Variants in ITPR2 observed in about 807,000 individuals in gnomAD.
ITPR2 encodes the protein inositol 1,4,5-trisphosphate receptor type 2.
ITPR2 carries 207 observed loss-of-function variants against 317.1 expected under a neutral mutation model. That is an observed-to-expected ratio of 0.65 (90% CI 0.58 to 0.73). The LOEUF (loss-of-function observed/expected upper bound fraction) is 0.73. Ranked by LOEUF, ITPR2 falls within the 30% of genes least tolerant of loss-of-function variation. The pLI, the probability that ITPR2 is intolerant of heterozygous loss-of-function variation, is 0.00. For synonymous variants in ITPR2, 1,156 were observed against 1,149.1 expected (o/e 1.01, Z -0.12); for missense variants, 2,613 against 3,284.0 (o/e 0.80, Z 4.99).
At chr12:26,669,647 C>T (rs1403618653) in intron 13 of ITPR2, among the ~76,000 whole-genome samples, 1 of 152,224 alleles carries the variant, frequency 6.6e-6, no homozygotes, top group East Asian at 1.9e-4. Context: ...TTCTGCATTT[C>T]CATCTGAGGT....
intron 45 of ITPR2, among the ~76,000 whole-genome samples, chr12:26,463,880 T>G (rs1427647049): frequency 2.6e-5 from 4 of 152,150 alleles, no homozygotes; most frequent in Admixed American, 2.0e-4. Flanking sequence ...CTCTTCTTGA[T>G]GTAAGGTCCC....
intron 1 of ITPR2, among the ~76,000 whole-genome samples, chr12:26,814,987 A>G (rs565238723): frequency 1.4e-4 from 21 of 152,366 alleles, no homozygotes; most frequent in African/African-American, 3.8e-4. Context: ...TCCAAACTAG[A>G]TAAGTGTTTT....
intron 31 of ITPR2, among the ~76,000 whole-genome samples, chr12:26,596,079 G>A (rs1348259174): frequency 6.6e-6 from 1 of 152,226 alleles, no homozygotes; most frequent in East Asian, 1.9e-4. Flanking sequence ...GAGGGTAAAT[G>A]ATGTGGGAAT....
intron 14 of ITPR2, among the ~76,000 whole-genome samples, chr12:26,664,705 C>T (rs1452323719): frequency 6.9e-6 from 1 of 145,306 alleles, no homozygotes; most frequent in Non-Finnish European, 1.6e-5. Flanking sequence ...TTATATTTAT[C>T]AAACAAAAAT....
rs777160676 is a variant in ITPR2 at position 26,624,573 on chromosome 12, A to C, written c.3065-217T>G. Among the ~76,000 whole-genome samples the C allele has an allele frequency of 3.4e-4, 51 of 152,196 alleles. 1 individual carries two copies. The highest frequency in any genetic ancestry group is 2.6e-3 in the Admixed American group (39 of 15,286). ...ACAAATGGCAAACAGGTTTATGAAA[A>C]GGTGCTCAACATCACTGATCATCAG... On this transcript the variant is annotated intron_variant, in intron 23 of 56. Coordinates refer to ENST00000381340, the MANE Select transcript of ITPR2 (RefSeq NM_002223.4).
chr12:26,802,423 G>A (rs1358684006), intron 1 of ITPR2, among the ~76,000 whole-genome samples: 1 of 152,016 alleles, frequency 6.6e-6, no homozygotes, highest in Non-Finnish European at 1.5e-5. Flanking sequence ...CGAGGCAGGA[G>A]GAGCATTTGA....
At chr12:26,700,529 G>C (rs1204088541) in intron 9 of ITPR2, among the ~76,000 whole-genome samples, 9 of 152,228 alleles carry the variant, frequency 5.9e-5, no homozygotes, top group Admixed American at 5.9e-4. Context: ...CACACCGCTG[G>C]GGAGTGGCAG....
intron 26 of ITPR2, among the ~76,000 whole-genome samples, chr12:26,617,724 AAGGGAGGGAG>A (rs1946402609): frequency 7.1e-5 from 8 of 112,066 alleles, no homozygotes; most frequent in East Asian, 5.7e-4. Flanking sequence ...GGGAAGGAGG[AAGGGAGGGAG>A]GGAGGGAAGG....
intron 21 of ITPR2, among the ~76,000 whole-genome samples, chr12:26,642,787 G>A (rs1285681496): frequency 1.3e-5 from 2 of 152,150 alleles, no homozygotes; most frequent in Non-Finnish European, 2.9e-5. Flanking sequence ...TCTTAGTCTT[G>A]ACCCAAAATG....
chr12:26,383,227 G>A (rs112273373), intron 55 of ITPR2, among the ~76,000 whole-genome samples: 8,159 of 152,258 alleles, frequency 0.054, 317 homozygotes, highest in Non-Finnish European at 0.08. Context: ...CTCACCAGAA[G>A]CTGAGCAGAT....
At chr12:26,580,655 T>A (rs1294921740) in intron 32 of ITPR2, among the ~76,000 whole-genome samples, 1 of 152,070 alleles carries the variant, frequency 6.6e-6, no homozygotes, top group African/African-American at 2.4e-5. Context: ...AGAAGATAAA[T>A]CAAACCCTTC....
intron 1 of ITPR2, among the ~76,000 whole-genome samples, chr12:26,825,277 G>A (rs1950992755): frequency 6.6e-6 from 1 of 152,028 alleles, no homozygotes; most frequent in Admixed American, 6.6e-5. Flanking sequence ...ACAAATGAAC[G>A]ATCATTAAAA....
At chr12:26,443,505 T>C (rs369684280) in intron 46 of ITPR2, 38 bp downstream of exon 46, 65 of 1,481,954 alleles carry the variant, frequency 4.4e-5, no homozygotes, top group African/African-American at 7.0e-5. Context: ...GCATAACTTT[T>C]CACAGTTGGT....
At chr12:26,812,623 G>C (rs920972479) in intron 1 of ITPR2, among the ~76,000 whole-genome samples, 1 of 152,180 alleles carries the variant, frequency 6.6e-6, no homozygotes, top group Non-Finnish European at 1.5e-5. Context: ...AGCTGTACCA[G>C]TACAGCTTAC....
intron 2 of ITPR2, among the ~76,000 whole-genome samples, chr12:26,751,017 T>A (rs1361196423): frequency 6.6e-6 from 1 of 152,118 alleles, no homozygotes; most frequent in Non-Finnish European, 1.5e-5. Flanking sequence ...GTCACCACAC[T>A]GGCAAAAGAC....
chr12:26,654,843 G>C (rs1301620718), intron 20 of ITPR2, among the ~76,000 whole-genome samples: 3 of 152,168 alleles, frequency 2.0e-5, no homozygotes, highest in Non-Finnish European at 4.4e-5. Flanking sequence ...AACCCCTCCA[G>C]TGACCTTAGA....
At chr12:26,359,808 C>T (rs145278878) in intron 55 of ITPR2, among the ~76,000 whole-genome samples, 99 of 152,138 alleles carry the variant, frequency 6.5e-4, no homozygotes, top group African/African-American at 2.1e-3. Flanking sequence ...TGGCGTCACC[C>T]GGATGTGAGT....
intron 44 of ITPR2, among the ~76,000 whole-genome samples, chr12:26,476,294 A>G (rs1942415532): frequency 6.6e-6 from 1 of 152,188 alleles, no homozygotes; most frequent in Admixed American, 6.5e-5. Flanking sequence ...GCACTGAGCT[A>G]TATTATGTGA....
At chr12:26,688,335 T>G (rs1012944399) in intron 10 of ITPR2, among the ~76,000 whole-genome samples, 1 of 152,192 alleles carries the variant, frequency 6.6e-6, no homozygotes, top group Admixed American at 6.5e-5. Context: ...CCACTGCACC[T>G]GGCTGATATT....
Sources: gnomAD v4.1 joint callset for allele counts (sites outside exome capture counted in the v4.1 genomes callset) on GRCh38, gnomAD v4.1.1 for gene constraint, MANE v1.5 for transcripts, NCBI Gene and HGNC (gene_info 2026-07-23, HGNC 2026-07-21) for gene names.